MICAL2: variants seen among roughly 807,000 people sequenced by gnomAD.
MICAL2 encodes [F-actin]-monooxygenase MICAL2.
In MICAL2, 77 loss-of-function variants were observed where a neutral mutation model predicts 127.3. The ratio of observed to expected loss-of-function variants is 0.60; its 90% CI spans 0.50 to 0.73. The LOEUF is 0.73. Among genes scored for constraint, MICAL2 ranks in the 30% least tolerant of loss-of-function variants. The pLI, the probability that MICAL2 is intolerant of heterozygous loss-of-function variation, is 0.00. For missense variants in MICAL2, 1,351 were observed against 1,434.4 expected (o/e 0.94, Z 0.94); for synonymous variants, 570 against 551.1 (o/e 1.03, Z -0.48).
chr11:12,148,532 G>T (rs572927392), intron 2 of MICAL2, among the ~76,000 whole-genome samples: 1 of 152,236 alleles, frequency 6.6e-6, no homozygotes, highest in East Asian at 1.9e-4. Context: ...GTCAGAGCTG[G>T]CCAGGTCCTG....
intron 8 of MICAL2, 30 bp from the exon 9 acceptor site, chr11:12,220,171 G>T (rs1369691344): frequency 6.2e-7 from 1 of 1,612,576 alleles, no homozygotes; most frequent in Non-Finnish European, 8.5e-7. Flanking sequence ...AGAGGGGGAG[G>T]TTGCTGCACC....
At position 12,242,293 on chromosome 11, in the gene MICAL2, C is replaced by T; in HGVS notation, c.2417C>T (p.Pro806Leu). Residue 806 changes from proline (P) to leucine (L), a missense_variant, in exon 19 of 28, where the codon CCT becomes CTT. By Grantham distance (98) the Pro-to-Leu change is moderately conservative. Around this residue, in one of 2 missense-constraint regions of MICAL2, gnomAD observed 752 missense variants for 719.4 expected, o/e 1.05. Transcript: ENST00000683283. ...VSAGSECLSRPWRARAKSDLQ... is the reference protein window; with the variant it reads ...VSAGSECLSRLWRARAKSDLQ... ...GCTGGCAGTGAGTGCCTGAGCAGAC[C>T]TTGGAGAGCCAGAGCCAAGTCTGAC... is the stretch of plus-strand genomic sequence containing the variant. 1 of 1,614,082 alleles carries T rather than the reference C, an allele frequency of 6.2e-7. No homozygotes were observed. Among genetic ancestry groups the T allele is most frequent in the Non-Finnish European group, 8.5e-7 (1 of 1,179,994 alleles).
At chr11:12,292,644 G>T (rs1392911277), downstream of MICAL2, among the ~76,000 whole-genome samples, 2 of 152,208 alleles carry the variant, frequency 1.3e-5, no homozygotes, top group Admixed American at 6.5e-5. Context: ...CTGTAGGATG[G>T]CAGGCACAGA....
chr11:12,329,047 G>T (rs1019663137), intron 32 of MICAL2, among the ~76,000 whole-genome samples: 2 of 152,218 alleles, frequency 1.3e-5, no homozygotes, highest in African/African-American at 2.4e-5. Flanking sequence ...AATTGGGAGT[G>T]CTAATAATAC....
At chr11:12,209,884 C>T (rs550097057) in intron 6 of MICAL2, among the ~76,000 whole-genome samples, 39 of 152,212 alleles carry the variant, frequency 2.6e-4, no homozygotes, top group African/African-American at 9.1e-4. Context: ...TGGGAAAGGA[C>T]TGGTATGTGA....
At chr11:12,344,231 G>A (rs527969536) in intron 32 of MICAL2, among the ~76,000 whole-genome samples, 6 of 152,170 alleles carry the variant, frequency 3.9e-5, no homozygotes, top group African/African-American at 1.4e-4. Context: ...GGGAGGCAGA[G>A]GTTGCAGTGA....
intron 32 of MICAL2, among the ~76,000 whole-genome samples, chr11:12,344,772 A>T (rs1395217006): frequency 6.8e-6 from 1 of 147,648 alleles, no homozygotes; most frequent in Non-Finnish European, 1.5e-5. Context: ...AAGTGCTGGG[A>T]TTACAGGCGT....
At chr11:12,148,270 A>T (rs1853170486) in intron 2 of MICAL2, among the ~76,000 whole-genome samples, 1 of 152,086 alleles carries the variant, frequency 6.6e-6, no homozygotes, top group African/African-American at 2.4e-5. Context: ...GCTTCAGAGG[A>T]TGAGCGAGGT....
At chr11:12,127,300 T>C (rs938636710) in intron 1 of MICAL2, among the ~76,000 whole-genome samples, 8 of 152,304 alleles carry the variant, frequency 5.3e-5, no homozygotes, top group Admixed American at 2.0e-4. Flanking sequence ...GCATTTTACA[T>C]GTCTGCTCAT....
chr11:12,191,478 A>C (rs796353720), intron 3 of MICAL2, among the ~76,000 whole-genome samples: 45 of 151,138 alleles, frequency 3.0e-4, no homozygotes, highest in African/African-American at 1.1e-3. Flanking sequence ...TCTCAAAAAA[A>C]AAAAAAAAAT....
At chr11:12,147,229 CA>C (rs1853031591) in intron 2 of MICAL2, among the ~76,000 whole-genome samples, 1 of 151,934 alleles carries the variant, frequency 6.6e-6, no homozygotes, top group Non-Finnish European at 1.5e-5. Flanking sequence ...AAAAAGAAAG[CA>C]AAAGAAAAAA....
chr11:12,124,249 T>G (rs61875175), intron 1 of MICAL2, among the ~76,000 whole-genome samples: 4,722 of 152,218 alleles, frequency 0.031, 96 homozygotes, highest in Non-Finnish European at 0.046. Flanking sequence ...TGATAAATGC[T>G]TATCGAAGGG....
At chr11:12,225,865 A>T (rs1273787333) in intron 13 of MICAL2, 2 of 355,060 alleles carry the variant, frequency 5.6e-6, no homozygotes, top group Admixed American at 4.3e-5. Flanking sequence ...AAAGAAAAAA[A>T]GTAAGGGATA....
chr11:12,161,625 CTG>C (rs1854806240), intron 2 of MICAL2: 1 of 154,724 alleles, frequency 6.5e-6, no homozygotes, highest in South Asian at 2.0e-4. Context: ...TTTTTTCTGT[CTG>C]TGCCTTAGTG....
chr11:12,207,895 A>G (rs1854936387), intron 4 of MICAL2, 128 bp from the exon 5 acceptor site: 2 of 728,594 alleles, frequency 2.7e-6, no homozygotes, highest in African/African-American at 1.7e-5. Context: ...AATCCCGCTC[A>G]GTAATGATCA....
chr11:12,213,636 G>A (rs555877991), intron 7 of MICAL2, among the ~76,000 whole-genome samples: 5 of 152,338 alleles, frequency 3.3e-5, no homozygotes, highest in African/African-American at 1.2e-4. Context: ...AAAGGAGATA[G>A]TGGACATTTG....
At chr11:12,180,349 A>ATATATT (rs11403732) in intron 3 of MICAL2, among the ~76,000 whole-genome samples, 13 of 139,708 alleles carry the variant, frequency 9.3e-5, no homozygotes, top group African/African-American at 2.7e-4. Context: ...ATATGTATAT[A>ATATATT]TTTTTTTTTT....
intron 8 of MICAL2, among the ~76,000 whole-genome samples, chr11:12,216,812 T>C (rs1329057229): frequency 1.3e-5 from 2 of 152,078 alleles, no homozygotes; most frequent in African/African-American, 2.4e-5. Flanking sequence ...GGGCAAACTG[T>C]GTATCCTTCC....
chr11:12,352,422 G>A (rs1376289049), intron 33 of MICAL2, among the ~76,000 whole-genome samples: 4 of 152,334 alleles, frequency 2.6e-5, no homozygotes, highest in South Asian at 2.1e-4. Flanking sequence ...GCTCCATGGC[G>A]ACAGAAGGGT....
Sources: gnomAD v4.1 joint callset for allele counts (sites outside exome capture counted in the v4.1 genomes callset) on GRCh38, gnomAD v4.1.1 for gene constraint, gnomAD v4.1.1 regional missense constraint, MANE v1.5 for transcripts, NCBI Gene and HGNC (gene_info 2026-07-23, HGNC 2026-07-21) for gene names.